The following ZNF326 variants were observed in gnomAD, a reference collection of about 807,000 sequenced individuals.
ZNF326 encodes the protein DBIRD complex subunit ZNF326.
In ZNF326, 30 loss-of-function variants were observed where a neutral mutation model predicts 63.1. The ratio of observed to expected loss-of-function variants is 0.48; its 90% CI spans 0.36 to 0.64. ZNF326 has a LOEUF of 0.64. ZNF326 is among the 30% of genes least tolerant of loss of function. ZNF326 has a pLI of 0.00. For synonymous variants in ZNF326, 194 were observed against 228.2 expected (o/e 0.85, Z 1.35); for missense variants, 609 against 720.3 (o/e 0.85, Z 1.77).
At chr1:89,997,490 C>G (rs1648439541) in intron 1 of ZNF326, among the ~76,000 whole-genome samples, 1 of 152,066 alleles carries the variant, frequency 6.6e-6, no homozygotes, top group African/African-American at 2.4e-5. Flanking sequence ...TCTTCTGCCT[C>G]AGCCTCCCTA....
In ZNF326 at chr1:90,033,756, C is replaced by T. The variant is rs1032815658; in HGVS notation, c.*6055C>T. On this transcript the variant is annotated 3_prime_UTR_variant, in exon 12 of 12. Transcript: ENST00000340281. ...TAAAGACATAGAAAACCCAGAACAC[C>T]ATCTGTTTAAAAATTAAACTTCATG... 9 of 151,958 alleles carry T rather than the reference C, an allele frequency of 5.9e-5. No individual in the cohort carries two copies. The highest frequency in any genetic ancestry group is 2.2e-4 in the African/African-American group (9 of 41,394). 9.4% of individuals were successfully genotyped at this position (151,958 alleles called of 1,614,324 possible).
At chr1:90,016,550 C>T (rs375817970) in intron 7 of ZNF326, among the ~76,000 whole-genome samples, 1 of 151,884 alleles carries the variant, frequency 6.6e-6, no homozygotes, top group African/African-American at 2.4e-5. Context: ...AACCCTGTCT[C>T]TACTAAAAAT....
Position 90,033,832 on chromosome 1 carries a change from A to G in ZNF326, c.*6131A>G, listed in dbSNP as rs532348362. 6.6e-6 allele frequency: 1 copy of G among 152,290 alleles called. No individual in the cohort carries two copies. Among genetic ancestry groups the G allele is most frequent in the East Asian group, 1.9e-4 (1 of 5,194 alleles). The allele number at this position is 152,290 out of a possible 1,614,324, so 9.4% of individuals were successfully genotyped here. A position where few individuals can be genotyped will look rare whatever the true frequency, so the allele number is the denominator to read the frequency against. ...ATTCACCATTGAATACCCTGCATAT[A>G]TCACAGTGCCAGGTAAATACTATGC... On this transcript the variant is annotated 3_prime_UTR_variant, in exon 12 of 12. Coordinates refer to ENST00000340281, the MANE Select transcript of ZNF326 (RefSeq NM_182976.4).
rs896219128 is a variant in ZNF326, at chr1:90,033,559, A to G, written c.*5858A>G. The G allele has an allele frequency of 6.6e-6, 1 of 152,218 alleles. No homozygotes were observed. Among genetic ancestry groups the G allele is most frequent in the Non-Finnish European group, 1.5e-5 (1 of 68,014 alleles). The allele number at this position is 152,218 out of a possible 1,614,324, so 9.4% of individuals were successfully genotyped here. A position where few individuals can be genotyped will look rare whatever the true frequency, so the allele number is the denominator to read the frequency against. The stretch of plus-strand genomic sequence containing the variant: ...AAAATGCAAGTTGCTATAAAGAAGT[A>G]TCTTGGAAATAAACAGTTGTGAAAA... On this transcript the variant is annotated 3_prime_UTR_variant, in exon 12 of 12. Coordinates refer to ENST00000340281, the MANE Select transcript of ZNF326 (RefSeq NM_182976.4).
chr1:90,032,491 T>G lies in ZNF326; in HGVS notation c.*4790T>G, dbSNP rs904536361. On this transcript the variant is annotated 3_prime_UTR_variant, in exon 12 of 12. Transcript: ENST00000340281. ...AAATTCTAAAGTTCTATTAAAATTG[T>G]AGAGGAGATACAATAATACAAATTT... 6.6e-6 allele frequency: 1 copy of G among 152,166 alleles called. No homozygotes were observed. Among genetic ancestry groups the G allele is most frequent in the Non-Finnish European group, 1.5e-5 (1 of 68,034 alleles). The allele number at this position is 152,166 out of a possible 1,614,324, so 9.4% of individuals were successfully genotyped here.
At position 90,007,866 on chromosome 1, in the gene ZNF326, A is replaced by G. The variant is rs1388663215; in HGVS notation, c.615+116A>G. On this transcript the variant is annotated intron_variant, in intron 5 of 11. Coordinates refer to ENST00000340281, the MANE Select transcript of ZNF326 (RefSeq NM_182976.4). The surrounding 1 kb of genome is among the most constrained non-coding windows in gnomAD (Gnocchi z 4.9). ...TTCATCCCGGTGTATTTTGAAGCAA[A>G]AGCTGAGTCATAAACATAATTTTTA... 2.9e-6 allele frequency: 3 copies of G among 1,033,232 alleles called. No individual in the cohort carries two copies. The highest frequency in any genetic ancestry group is 3.8e-6 in the Non-Finnish European group (3 of 781,074). 64.0% of individuals were successfully genotyped at this position (1,033,232 alleles called of 1,614,324 possible).
At chr1:90,020,957 A>T (rs748566993) in intron 10 of ZNF326, 35 bp downstream of exon 10, 18 of 1,602,224 alleles carry the variant, frequency 1.1e-5, no homozygotes, top group Middle Eastern at 1.8e-4. Context: ...AAGTTGCCAG[A>T]TTATCCATCA....
In ZNF326 at chr1:90,022,365, A is replaced by G. The variant is rs772445767; in HGVS notation, c.1401+20A>G. ...GTTAAGGTAAGATTTTAGGGCAAAAACCTTTTCAATAATATTGTAGTATTG... is the reference window on the plus strand; with the variant it reads ...GTTAAGGTAAGATTTTAGGGCAAAAGCCTTTTCAATAATATTGTAGTATTG... On this transcript the variant is annotated intron_variant, in intron 11 of 11. Coordinates refer to ENST00000340281, the MANE Select transcript of ZNF326 (RefSeq NM_182976.4). 2.6e-6 allele frequency: 4 copies of G among 1,558,010 alleles called. No homozygotes were observed. The South Asian group carries it at 3.4e-5, about 13-fold the overall frequency.
chr1:90,006,206 G>A, intron 4 of ZNF326: 1 of 985,382 alleles, frequency 1.0e-6, no homozygotes, highest in Non-Finnish European at 1.2e-6. Context: ...TTATGTGATA[G>A]ATGTTTTGAA....
At chr1:90,026,436 C>G (rs1650020436) in intron 11 of ZNF326, among the ~76,000 whole-genome samples, 1 of 152,120 alleles carries the variant, frequency 6.6e-6, no homozygotes, top group Admixed American at 6.6e-5. Flanking sequence ...TTATTCTGAA[C>G]TCTCCTCTCT....
chr1:90,006,415 G>A (rs892577280), intron 4 of ZNF326: 1 of 985,110 alleles, frequency 1.0e-6, no homozygotes, highest in Non-Finnish European at 1.2e-6. Context: ...GTAATTGTGG[G>A]CCTTTATAAA....
Position 89,998,172 on chromosome 1 carries a change from G to C in ZNF326, c.61+18G>C, listed in dbSNP as rs1648493560. 1.2e-6 allele frequency: 2 copies of C among 1,611,732 alleles called. No individual in the cohort carries two copies. Among genetic ancestry groups the C allele is most frequent in the Admixed American group, 3.3e-5 (2 of 59,728 alleles). On this transcript the variant is annotated intron_variant, in intron 2 of 11. Transcript: ENST00000340281. ...CTTTAATGGTAAGTATCCTCTTTCA[G>C]CTTTTCTCTTCATGCGCATAAAAAT...
At chr1:90,001,573 G>A (rs1440727223) in intron 2 of ZNF326, among the ~76,000 whole-genome samples, 1 of 138,020 alleles carries the variant, frequency 7.2e-6, no homozygotes, top group Non-Finnish European at 1.6e-5. Context: ...TTTTTTTTGA[G>A]GTGGAGTTTC....
chr1:90,019,089 T>C (rs55916302), intron 9 of ZNF326, among the ~76,000 whole-genome samples: 73 of 152,288 alleles, frequency 4.8e-4, no homozygotes, highest in South Asian at 1.0e-3. Flanking sequence ...TTATGAAATC[T>C]TCTGTTTTTT....
chr1:90,010,811 C>A (rs1422917875), intron 6 of ZNF326, among the ~76,000 whole-genome samples: 1 of 151,848 alleles, frequency 6.6e-6, no homozygotes, highest in African/African-American at 2.4e-5. Context: ...AATATATTTT[C>A]TATAATATAA....
Position 90,018,793 on chromosome 1 carries a change from T to A in ZNF326, c.1174+9T>A. ...AAAAGATGTTATGGAAGGTAAGTATTTAAAACAAATTATTTTAAAATTCTA... is the reference window on the plus strand; with the variant it reads ...AAAAGATGTTATGGAAGGTAAGTATATAAAACAAATTATTTTAAAATTCTA... On this transcript the variant is annotated intron_variant, in intron 9 of 11. Coordinates refer to ENST00000340281, the MANE Select transcript of ZNF326 (RefSeq NM_182976.4). 1 of 1,442,048 alleles carries A rather than the reference T, an allele frequency of 6.9e-7. No homozygotes were observed. Among genetic ancestry groups the A allele is most frequent in the Non-Finnish European group, 9.5e-7 (1 of 1,053,946 alleles). The allele number at this position is 1,442,048 out of a possible 1,614,324, so 89.3% of individuals were successfully genotyped here. A position where few individuals can be genotyped will look rare whatever the true frequency, so the allele number is the denominator to read the frequency against.
Position 90,000,180 on chromosome 1 carries a change from A to C in ZNF326, c.61+2026A>C, listed in dbSNP as rs147143040. On this transcript the variant is annotated intron_variant, in intron 2 of 11. Transcript: ENST00000340281. The stretch of plus-strand genomic sequence containing the variant: ...AAGCCATGAAGCCATTTAGAAGAAG[A>C]CTTACGGGCTTTAAGAAATAAACAG... Among the ~76,000 whole-genome samples the C allele has an allele frequency of 5.0e-3, 762 of 152,302 alleles. 6 individuals are homozygous for C. Among genetic ancestry groups the C allele is most frequent in the African/African-American group, 0.017 (717 of 41,556 alleles).
intron 11 of ZNF326, among the ~76,000 whole-genome samples, chr1:90,027,031 C>A (rs998531526): frequency 6.7e-6 from 1 of 150,158 alleles, no homozygotes. Flanking sequence ...TTTGTTTCTA[C>A]CAAAAACCAC....
Position 90,031,489 on chromosome 1 carries a change from T to C in ZNF326, c.*3788T>C, listed in dbSNP as rs900253742. 1 of 152,166 alleles carries C rather than the reference T, an allele frequency of 6.6e-6. No individual in the cohort carries two copies. Among genetic ancestry groups the C allele is most frequent in the Admixed American group, 6.5e-5 (1 of 15,278 alleles). The allele number at this position is 152,166 out of a possible 1,614,324, so 9.4% of individuals were successfully genotyped here. A position where few individuals can be genotyped will look rare whatever the true frequency, so the allele number is the denominator to read the frequency against. The stretch of plus-strand genomic sequence containing the variant: ...CAAACTTTTTTATTGTGGTAAAGTA[T>C]ACATAGCATAAAATTACCATTCTAA... On this transcript the variant is annotated 3_prime_UTR_variant, in exon 12 of 12. Transcript: ENST00000340281.
Sources: gnomAD v4.1 joint callset for allele counts (sites outside exome capture counted in the v4.1 genomes callset) on GRCh38, gnomAD v4.1.1 for gene constraint, Gnocchi (gnomAD v3.1) non-coding constraint, MANE v1.5 for transcripts, NCBI Gene and HGNC (gene_info 2026-07-23, HGNC 2026-07-21) for gene names.